The following RASAL2 variants were observed in gnomAD, a reference collection of about 807,000 sequenced individuals.
RASAL2 encodes ras GTPase-activating protein nGAP.
RASAL2 carries 58 observed loss-of-function variants against 128.9 expected under a neutral mutation model. That is an observed-to-expected ratio of 0.45 (90% CI 0.36 to 0.56). The LOEUF is 0.56. RASAL2 is among the 20% of genes least tolerant of loss of function. The pLI, the probability that RASAL2 is intolerant of heterozygous loss-of-function variation, is 0.00. For missense variants in RASAL2, 1,360 were observed against 1,601.6 expected, an observed-to-expected ratio of 0.85 and a Z score of 2.57; for synonymous variants, 561 against 580.8, an observed-to-expected ratio of 0.97 and a Z score of 0.49.
intron 3 of RASAL2, among the ~76,000 whole-genome samples, chr1:178,355,570 A>G (rs1670759558): frequency 6.6e-6 from 1 of 152,234 alleles, no homozygotes; most frequent in South Asian, 2.1e-4. Context: ...TGACCTGAGG[A>G]TAAAGAAGTA....
At chr1:178,464,548 C>A in intron 15 of RASAL2, 136 bp downstream of exon 15, 2 of 891,908 alleles carry the variant, frequency 2.2e-6, no homozygotes, top group Non-Finnish European at 3.2e-6. Context: ...CTATACATAT[C>A]TATGTAAAAT....
intron 1 of RASAL2, among the ~76,000 whole-genome samples, chr1:178,257,847 G>A (rs146136232): frequency 0.027 from 3,395 of 126,360 alleles, no homozygotes; most frequent in African/African-American, 0.031. Context: ...TCTCAAAAAA[G>A]AAAAAAAAAA....
chr1:178,260,204 T>A (rs10913528), intron 1 of RASAL2, among the ~76,000 whole-genome samples: 11,909 of 148,914 alleles, frequency 0.08, 545 homozygotes, highest in Middle Eastern at 0.14. Flanking sequence ...TACAAAAAAA[T>A]TAGCCGGGCG....
In RASAL2 at chr1:178,324,414, GA is replaced by G. The variant is rs546256498; in HGVS notation, c.457+24309del. Among the ~76,000 whole-genome samples, 210 of 136,634 alleles carry G rather than the reference GA, an allele frequency of 1.5e-3. 1 individual carries two copies. Among genetic ancestry groups the G allele is most frequent in the Admixed American group, 1.2e-3 (16 of 13,628 alleles). The allele number at this position is 136,634 out of a possible 152,430, so 89.6% of individuals were successfully genotyped here. On this transcript the variant is annotated intron_variant, in intron 3 of 17. Transcript: ENST00000367649. ...TGACAGAGCAAGACTCGATCTCTAG[GA>G]AAAAAAAAAAAAGAAAAGAAATTTG...
intron 3 of RASAL2, among the ~76,000 whole-genome samples, chr1:178,325,289 CGAGTGAATTA>C (rs1557902998): frequency 1.3e-5 from 2 of 151,918 alleles, no homozygotes; most frequent in African/African-American, 4.8e-5. Context: ...GAAGTAAAAG[CGAGTGAATTA>C]GAAAGAGAAC....
chr1:178,406,802 C>T (rs924306937), intron 4 of RASAL2, among the ~76,000 whole-genome samples: 2 of 151,100 alleles, frequency 1.3e-5, no homozygotes, highest in Non-Finnish European at 2.9e-5. Context: ...AATGTAATAC[C>T]TGTAATATAA....
chr1:178,254,412 C>T (rs1218405037), intron 1 of RASAL2, among the ~76,000 whole-genome samples: 1 of 152,168 alleles, frequency 6.6e-6, no homozygotes, highest in East Asian at 1.9e-4. Context: ...TTTGGCATTG[C>T]AGTCTATCTG....
At chr1:178,265,005 C>A (rs549550827) in intron 1 of RASAL2, among the ~76,000 whole-genome samples, 2 of 152,284 alleles carry the variant, frequency 1.3e-5, no homozygotes, top group African/African-American at 4.8e-5. Flanking sequence ...GCTTCTCCAA[C>A]TGATTACTCT....
intron 17 of RASAL2, among the ~76,000 whole-genome samples, chr1:178,469,349 T>G (rs1226079129): frequency 2.0e-5 from 3 of 152,142 alleles, no homozygotes; most frequent in Admixed American, 1.3e-4. Context: ...GCCACAGTTG[T>G]GGTTCTGTAC....
chr1:178,355,503 C>T (rs1009670122), intron 3 of RASAL2, among the ~76,000 whole-genome samples: 9 of 152,044 alleles, frequency 5.9e-5, no homozygotes, highest in Middle Eastern at 3.2e-3. Flanking sequence ...TGTAGACCTA[C>T]GTGTAAAACA....
intron 15 of RASAL2, among the ~76,000 whole-genome samples, chr1:178,465,556 T>TC (rs1363353873): frequency 1.3e-5 from 2 of 152,096 alleles, no homozygotes; most frequent in Admixed American, 6.5e-5. Flanking sequence ...GGTTTTTTTT[T>TC]CCCCCTTTCA....
At chr1:178,182,913 G>T (rs1662163977) in intron 1 of RASAL2, among the ~76,000 whole-genome samples, 1 of 152,138 alleles carries the variant, frequency 6.6e-6, no homozygotes, top group African/African-American at 2.4e-5. Flanking sequence ...AGATCGTCAG[G>T]CGTTAAGATT....
At chr1:178,178,591 A>T (rs186886111) in intron 1 of RASAL2, among the ~76,000 whole-genome samples, 4 of 152,172 alleles carry the variant, frequency 2.6e-5, no homozygotes, top group Admixed American at 2.6e-4. Context: ...TTATATACTA[A>T]GTTACCTATA....
chr1:178,358,604 A>T (rs543505213), intron 3 of RASAL2, among the ~76,000 whole-genome samples: 1 of 152,240 alleles, frequency 6.6e-6, no homozygotes, highest in Non-Finnish European at 1.5e-5. Flanking sequence ...TGCAAAATCA[A>T]CCATCTTATC....
intron 1 of RASAL2, among the ~76,000 whole-genome samples, chr1:178,279,500 A>G (rs2102201591): frequency 6.6e-6 from 1 of 152,256 alleles, no homozygotes; most frequent in South Asian, 2.1e-4. Context: ...GTTACAAACT[A>G]GTATTGCCAT....
chr1:178,391,932 G>A (rs1308822934), intron 4 of RASAL2, among the ~76,000 whole-genome samples: 2 of 152,132 alleles, frequency 1.3e-5, no homozygotes, highest in Non-Finnish European at 2.9e-5. Flanking sequence ...CAAAATTATA[G>A]TAGTGGACTC....
At chr1:178,122,608 G>A (rs1331809137) in intron 1 of RASAL2, among the ~76,000 whole-genome samples, 1 of 152,196 alleles carries the variant, frequency 6.6e-6, no homozygotes, top group Non-Finnish European at 1.5e-5. Context: ...TGAACTGACT[G>A]TACTATTTGT....
At chr1:178,265,245 T>C (rs977275006) in intron 1 of RASAL2, among the ~76,000 whole-genome samples, 4 of 152,040 alleles carry the variant, frequency 2.6e-5, no homozygotes, top group African/African-American at 9.7e-5. Flanking sequence ...CCTCCTTTTG[T>C]TGTTGTTGTT....
chr1:178,168,034 C>CTT (rs996648955), intron 1 of RASAL2, among the ~76,000 whole-genome samples: 5 of 152,026 alleles, frequency 3.3e-5, no homozygotes, highest in African/African-American at 1.2e-4. Context: ...TTCCTCTCAA[C>CTT]TTTGGAAACT....
Sources: gnomAD v4.1 joint callset for allele counts (sites outside exome capture counted in the v4.1 genomes callset) on GRCh38, gnomAD v4.1.1 for gene constraint, MANE v1.5 for transcripts, NCBI Gene and HGNC (gene_info 2026-07-23, HGNC 2026-07-21) for gene names.